The following ACVR2A variants were observed in gnomAD, a reference collection of about 807,000 sequenced individuals.
The protein encoded by ACVR2A is activin A receptor type 2A, also known as activin receptor type-2A.
ACVR2A carries 7 observed loss-of-function variants against 61.4 expected under a neutral mutation model. That is an observed-to-expected ratio of 0.11 (90% CI 0.06 to 0.21). The LOEUF is 0.21. ACVR2A is among the 10% of genes least tolerant of loss of function. ACVR2A has a pLI of 1.00. For synonymous variants in ACVR2A, 193 were observed against 208.3 expected, an observed-to-expected ratio of 0.93 and a Z score of 0.63; for missense variants, 322 against 621.7, an observed-to-expected ratio of 0.52 and a Z score of 5.13.
intron 5 of ACVR2A, among the ~76,000 whole-genome samples, chr2:147,915,841 G>T (rs1415626073): frequency 6.6e-6 from 1 of 151,882 alleles, no homozygotes; most frequent in Non-Finnish European, 1.5e-5. Context: ...GTTTACTGTT[G>T]AATTGTTTTT....
intron 1 of ACVR2A, among the ~76,000 whole-genome samples, chr2:147,882,029 A>G (rs1686315502): frequency 6.6e-6 from 1 of 152,194 alleles, no homozygotes; most frequent in South Asian, 2.1e-4. Context: ...AAATTCTACC[A>G]TTACAAATTT....
In ACVR2A at chr2:147,918,568, G is replaced by A. The variant is rs746422676; in HGVS notation, c.938G>A (p.Gly313Asp). ...LHEDIPGLKD[G>D]HKPAISHRDI... ...GAGGATATACCTGGCCTAAAAGATGGCCACAAACCTGCCATATCTCACAGG... is the reference window on the plus strand; with the variant it reads ...GAGGATATACCTGGCCTAAAAGATGACCACAAACCTGCCATATCTCACAGG... The change falls in exon 7 of 11, where the codon GGC becomes GAC. Residue 313 changes from glycine to aspartate, a missense_variant. Physicochemically the swap from Gly to Asp is moderately conservative, Grantham distance 94 (BLOSUM62 -1). Around this residue, in one of 3 missense-constraint regions of ACVR2A, gnomAD observed 146 missense variants for 383.8 expected, o/e 0.38. Coordinates refer to ENST00000241416, the MANE Select transcript of ACVR2A (RefSeq NM_001616.5). The A allele has an allele frequency of 3.7e-6, 6 of 1,600,402 alleles. No homozygotes were observed. The highest frequency in any genetic ancestry group is 3.4e-5 in the Admixed American group (2 of 58,232).
At chr2:147,863,145 A>G (rs1210404814) in intron 1 of ACVR2A, among the ~76,000 whole-genome samples, 1 of 152,228 alleles carries the variant, frequency 6.6e-6, no homozygotes, top group Non-Finnish European at 1.5e-5. Flanking sequence ...CTATGCTAAA[A>G]TAATGAGTTA....
chr2:147,892,120 C>A (rs759924936), intron 1 of ACVR2A, among the ~76,000 whole-genome samples: 7 of 151,808 alleles, frequency 4.6e-5, no homozygotes, highest in Non-Finnish European at 1.0e-4. Context: ...TACAGGTGCG[C>A]GCCACTATGC....
chr2:147,913,409 G>T (rs1470800575), intron 4 of ACVR2A, among the ~76,000 whole-genome samples: 1 of 151,496 alleles, frequency 6.6e-6, no homozygotes, highest in Admixed American at 6.6e-5. Context: ...TTAGTTTTTG[G>T]CATCCCCTCT....
Position 147,899,853 on chromosome 2 carries a change from C to T in ACVR2A, c.483C>T (p.Tyr161=). The change falls in exon 4 of 11, where the codon TAC becomes TAT. Residue 161 remains tyrosine (Y), a synonymous_variant. Coordinates refer to ENST00000241416, the MANE Select transcript of ACVR2A (RefSeq NM_001616.5). ...TTGTCATTTGTGCATTTTGGGTGTA[C>T]AGGCATCACAAGATGGCCTACCCTC... ...AGIVICAFWV[Y]RHHKMAYPPV... 14 of 1,613,740 alleles carry T rather than the reference C, an allele frequency of 8.7e-6. No homozygotes were observed. Among genetic ancestry groups the T allele is most frequent in the Non-Finnish European group, 1.2e-5 (14 of 1,179,706 alleles).
At chr2:147,859,120 T>C (rs534280856) in intron 1 of ACVR2A, among the ~76,000 whole-genome samples, 145 of 152,316 alleles carry the variant, frequency 9.5e-4, no homozygotes, top group African/African-American at 3.3e-3. Flanking sequence ...AATCCTGTTT[T>C]ACTTCCAGTG....
chr2:147,903,978 A>G (rs946411006), intron 4 of ACVR2A, among the ~76,000 whole-genome samples: 20 of 152,010 alleles, frequency 1.3e-4, no homozygotes, highest in Admixed American at 4.6e-4. Context: ...CCTTTAATAA[A>G]CATTCAGGTG....
intron 1 of ACVR2A, among the ~76,000 whole-genome samples, chr2:147,846,820 C>A (rs992992713): frequency 5.3e-5 from 8 of 152,118 alleles, no homozygotes; most frequent in Non-Finnish European, 1.5e-5. Context: ...CTGGTGAACT[C>A]CTCTTGTTCA....
chr2:147,891,419 T>TA (rs1686579628), intron 1 of ACVR2A, among the ~76,000 whole-genome samples: 1 of 152,034 alleles, frequency 6.6e-6, no homozygotes, highest in Admixed American at 6.6e-5. Flanking sequence ...CTATTGGGAT[T>TA]AGGATGTTGT....
At chr2:147,904,592 C>T (rs1285454042) in intron 4 of ACVR2A, among the ~76,000 whole-genome samples, 2 of 151,850 alleles carry the variant, frequency 1.3e-5, no homozygotes, top group Non-Finnish European at 2.9e-5. Flanking sequence ...CTGATAAGGA[C>T]TAAAGCTTTG....
chr2:147,905,556 TTGTGTGTGTGTGTGGG>T (rs1475382339), intron 4 of ACVR2A, among the ~76,000 whole-genome samples: 1 of 151,170 alleles, frequency 6.6e-6, no homozygotes, highest in Non-Finnish European at 1.5e-5. Flanking sequence ...GAGCATTCTT[TTGTGTGTGTGTGTGGG>T]TGTGTGTATG....
Position 147,845,648 on chromosome 2 carries a change from A to G in ACVR2A, c.55+441A>G, listed in dbSNP as rs970494359. ...AATTAGTGCTTCACCGGTGAATATC[A>G]CGACATAGATCAAGCCAGTTGCTGC... On this transcript the variant is annotated intron_variant, in intron 1 of 10. Coordinates refer to ENST00000241416, the MANE Select transcript of ACVR2A (RefSeq NM_001616.5). Among the ~76,000 whole-genome samples, 23 of 152,312 alleles carry G rather than the reference A, an allele frequency of 1.5e-4. No homozygotes were observed. The East Asian group carries it at 3.9e-3, about 26-fold the overall frequency.
At chr2:147,885,284 T>C (rs1001574008) in intron 1 of ACVR2A, among the ~76,000 whole-genome samples, 1 of 152,174 alleles carries the variant, frequency 6.6e-6, no homozygotes, top group Non-Finnish European at 1.5e-5. Flanking sequence ...TTTTGAGCTC[T>C]CTCTCAATTA....
At chr2:147,922,873 TG>T in intron 8 of ACVR2A, 99 bp from the exon 9 acceptor site, 2 of 1,270,546 alleles carry the variant, frequency 1.6e-6, no homozygotes, top group Non-Finnish European at 2.2e-6. Context: ...TACCTTACCC[TG>T]GTAATAGACC....
chr2:147,918,625 T>C lies in ACVR2A; in HGVS notation c.962+33T>C, dbSNP rs763655681. On this transcript the variant is annotated intron_variant, in intron 7 of 10. Transcript: ENST00000241416. ...AAATTTATATTGTTTTCCCAGATAA[T>C]TGAGTATATATTTACTAAACTTTTA... is the stretch of plus-strand genomic sequence containing the variant. 4.5e-5 allele frequency: 70 copies of C among 1,572,520 alleles called. No homozygotes were observed. The Admixed American group carries it at 9.9e-4, about 22-fold the overall frequency.
intron 1 of ACVR2A, among the ~76,000 whole-genome samples, chr2:147,850,020 C>T (rs1685406707): frequency 6.6e-6 from 1 of 152,166 alleles, no homozygotes; most frequent in Non-Finnish European, 1.5e-5. Context: ...TGTTAAGTTG[C>T]CAGTTGCCAT....
chr2:147,927,907 A>G lies in ACVR2A; in HGVS notation c.*633A>G, dbSNP rs1687542634. The G allele has an allele frequency of 6.6e-6, 1 of 152,340 alleles. No homozygotes were observed. The highest frequency in any genetic ancestry group is 1.5e-5 in the Non-Finnish European group (1 of 67,890). 9.4% of individuals were successfully genotyped at this position (152,340 alleles called of 1,614,324 possible). A position where few individuals can be genotyped will look rare whatever the true frequency, so the allele number is the denominator to read the frequency against. ...CTAAATTATAAAATTGAAAACACTA[A>G]CAAAATTTGAATAATAAATCGATCC... On this transcript the variant is annotated 3_prime_UTR_variant, in exon 11 of 11. Coordinates refer to ENST00000241416, the MANE Select transcript of ACVR2A (RefSeq NM_001616.5).
At chr2:147,903,902 A>G (rs1686928580) in intron 4 of ACVR2A, among the ~76,000 whole-genome samples, 1 of 151,908 alleles carries the variant, frequency 6.6e-6, no homozygotes, top group African/African-American at 2.4e-5. Flanking sequence ...TAAGTGCTGA[A>G]TTGCTAAATT....
Sources: allele counts gnomAD v4.1 joint callset (sites outside exome capture counted in the v4.1 genomes callset), GRCh38; gene constraint gnomAD v4.1.1; regional missense constraint gnomAD v4.1.1; transcripts MANE v1.5; gene names NCBI Gene and HGNC (gene_info 2026-07-23, HGNC 2026-07-21).